Variants in C10orf90 observed in about 807,000 individuals in gnomAD.
C10orf90 encodes (E2-independent) E3 ubiquitin-conjugating enzyme FATS.
C10orf90 carries 56 observed loss-of-function variants against 62.5 expected under a neutral mutation model. That is an observed-to-expected ratio of 0.90 (90% CI 0.72 to 1.12). The LOEUF (loss-of-function observed/expected upper bound fraction) is 1.12, where lower values mean the gene tolerates loss of function less well. C10orf90 is among the 50% of genes most tolerant of loss of function. The pLI is 0.00. For missense variants in C10orf90, 970 were observed against 880.4 expected (o/e 1.10, Z -1.29); for synonymous variants, 386 against 340.4 (o/e 1.13, Z -1.47).
At position 126,514,182 on chromosome 10, in the gene C10orf90, G is replaced by C. The variant is rs904880961; in HGVS notation, c.314-243C>G. 2.4e-4 allele frequency among the ~76,000 whole-genome samples: 36 copies of C among 152,078 alleles called. 1 individual carries two copies. The highest frequency in any genetic ancestry group is 8.5e-4 in the African/African-American group (35 of 41,414). On this transcript the variant is annotated intron_variant, in intron 2 of 9. Coordinates refer to ENST00000488181, the MANE Select transcript of C10orf90 (RefSeq NM_001350921.2). ...GATTTCTTCTTCCATATGATCGTTT[G>C]TGTCCCTTAGACTCAGTCACAATTG...
intron 4 of C10orf90, 79 bp downstream of exon 4, chr10:126,503,878 G>A: frequency 6.7e-7 from 1 of 1,499,982 alleles, no homozygotes; most frequent in South Asian, 1.3e-5. Flanking sequence ...AATAAGTTTT[G>A]TATAAGAAAT....
chr10:126,445,672 C>T lies in C10orf90; in HGVS notation c.2188+13368G>A, dbSNP rs568383877. ...AGCAATACCACCACTGGGTATTTAC[C>T]CAGAGGAAAAGAAGTCATTATACAA... is the stretch of plus-strand genomic sequence containing the variant. On this transcript the variant is annotated intron_variant, in intron 7 of 9. Coordinates refer to ENST00000488181, the MANE Select transcript of C10orf90 (RefSeq NM_001350921.2). Among the ~76,000 whole-genome samples the T allele has an allele frequency of 6.3e-4, 95 of 151,912 alleles. 2 individuals are homozygous for T. In the South Asian group the frequency reaches 0.018, roughly 29 times the overall value.
chr10:126,502,365 C>T (rs1324494724), intron 4 of C10orf90, among the ~76,000 whole-genome samples: 1 of 152,230 alleles, frequency 6.6e-6, no homozygotes, highest in East Asian at 1.9e-4. Flanking sequence ...ACATGTGAAT[C>T]TTTGGGATCT....
At chr10:126,627,001 T>TTTTC (rs10624647) in intron 2 of C10orf90, among the ~76,000 whole-genome samples, 4,846 of 38,746 alleles carry the variant, frequency 0.13, 86 homozygotes, top group South Asian at 0.22. Context: ...TTTTCTTTTC[T>TTTTC]TTTTTTTTTT....
chr10:126,598,101 A>T (rs1001877361), intron 2 of C10orf90, among the ~76,000 whole-genome samples: 1 of 152,234 alleles, frequency 6.6e-6, no homozygotes, highest in Admixed American at 6.5e-5. Context: ...TAAGTATATC[A>T]GAAAAGGAAG....
intron 2 of C10orf90, among the ~76,000 whole-genome samples, chr10:126,589,900 G>A (rs554952046): frequency 2.6e-5 from 4 of 152,072 alleles, no homozygotes; most frequent in Non-Finnish European, 5.9e-5. Flanking sequence ...TTAAGACACA[G>A]AATGGCAAGA....
chr10:126,628,382 T>C (rs896206704), intron 2 of C10orf90, among the ~76,000 whole-genome samples: 1 of 152,210 alleles, frequency 6.6e-6, no homozygotes, highest in Non-Finnish European at 1.5e-5. Context: ...GATAGATCTA[T>C]GGACGGATGG....
intron 2 of C10orf90, among the ~76,000 whole-genome samples, chr10:126,597,647 G>C (rs899821214): frequency 6.6e-6 from 1 of 152,174 alleles, no homozygotes; most frequent in Admixed American, 6.5e-5. Context: ...TCATGGCTGG[G>C]GTCAGGATGG....
At chr10:126,601,915 C>T (rs1035110118) in intron 2 of C10orf90, among the ~76,000 whole-genome samples, 3 of 152,368 alleles carry the variant, frequency 2.0e-5, no homozygotes, top group Middle Eastern at 3.4e-3. Flanking sequence ...ACGCTAACCT[C>T]GCTCTCGTTT....
chr10:126,630,255 C>T (rs555484532), intron 2 of C10orf90, among the ~76,000 whole-genome samples: 20 of 152,318 alleles, frequency 1.3e-4, no homozygotes, highest in Admixed American at 9.8e-4. Context: ...TGAAGGCCTT[C>T]ATTCAGCAAA....
intron 2 of C10orf90, among the ~76,000 whole-genome samples, chr10:126,627,661 G>GT (rs1424746947): frequency 2.6e-5 from 4 of 152,192 alleles, no homozygotes; most frequent in African/African-American, 7.2e-5. Context: ...GTAAAAAGGA[G>GT]TAAGTTAATA....
intron 2 of C10orf90, among the ~76,000 whole-genome samples, chr10:126,551,535 A>C (rs549382165): frequency 6.6e-6 from 1 of 152,346 alleles, no homozygotes; most frequent in Non-Finnish European, 1.5e-5. Context: ...GTGGGAAAAA[A>C]AAATTTGAGG....
intron 2 of C10orf90, among the ~76,000 whole-genome samples, chr10:126,597,005 G>A (rs768047754): frequency 2.0e-5 from 3 of 152,110 alleles, no homozygotes; most frequent in Admixed American, 6.5e-5. Flanking sequence ...ATGAGATACC[G>A]TTAGTCACCT....
Position 126,580,724 on chromosome 10 carries a change from C to T in C10orf90, c.313+65841G>A, listed in dbSNP as rs559670414. ...CTCCACAGCACAAACAAGAAGTGTG[C>T]GTGTATGTATTGTGTTTGTGTGTGT... On this transcript the variant is annotated intron_variant, in intron 2 of 9. Coordinates refer to ENST00000488181, the MANE Select transcript of C10orf90 (RefSeq NM_001350921.2). 1.0e-4 allele frequency among the ~76,000 whole-genome samples: 15 copies of T among 150,496 alleles called. No homozygotes were observed. In the South Asian group the frequency reaches 1.7e-3, roughly 17 times the overall value.
intron 2 of C10orf90, among the ~76,000 whole-genome samples, chr10:126,583,195 A>T (rs977538570): frequency 1.4e-4 from 22 of 152,350 alleles, no homozygotes; most frequent in African/African-American, 5.3e-4. Flanking sequence ...ACAATAGGCC[A>T]CTTTGCCAAA....
At chr10:126,498,594 T>C (rs1862207269) in intron 4 of C10orf90, among the ~76,000 whole-genome samples, 1 of 152,186 alleles carries the variant, frequency 6.6e-6, no homozygotes, top group Non-Finnish European at 1.5e-5. Context: ...TGATGGACAC[T>C]GTATTACACT....
intron 7 of C10orf90, among the ~76,000 whole-genome samples, chr10:126,445,803 G>GTATATATATATATATATATATA (rs1227032547): frequency 7.5e-5 from 5 of 67,070 alleles, no homozygotes; most frequent in African/African-American, 3.3e-4. Flanking sequence ...AGAAACTGTG[G>GTATATATATATATATATATATA]TGTATATATA....
intron 7 of C10orf90, among the ~76,000 whole-genome samples, chr10:126,436,673 CT>C (rs1352638779): frequency 6.6e-6 from 1 of 152,012 alleles, no homozygotes; most frequent in Non-Finnish European, 1.5e-5. Context: ...AAAAACTTTT[CT>C]TTTTTGAGCC....
intron 2 of C10orf90, among the ~76,000 whole-genome samples, chr10:126,642,323 G>T (rs1002701218): frequency 2.0e-5 from 3 of 152,082 alleles, no homozygotes; most frequent in Admixed American, 6.6e-5. Flanking sequence ...ACGAGGTCGG[G>T]AGATCGAGAC....
Sources: gnomAD v4.1 joint callset for allele counts (sites outside exome capture counted in the v4.1 genomes callset) on GRCh38, gnomAD v4.1.1 for gene constraint, MANE v1.5 for transcripts, NCBI Gene and HGNC (gene_info 2026-07-23, HGNC 2026-07-21) for gene names.